The following GALNT13 variants were observed in gnomAD, a reference collection of about 807,000 sequenced individuals.
The protein encoded by GALNT13 is polypeptide N-acetylgalactosaminyltransferase 13, also known as UDP-GalNAc:polypeptide N-acetylgalactosaminyltransferase 13.
In GALNT13, 28 loss-of-function variants were observed where a neutral mutation model predicts 64.2. The observed-to-expected ratio is 0.44, with a 90% CI of 0.32 to 0.60. GALNT13 has a LOEUF of 0.60. GALNT13 is among the 20% of genes least tolerant of loss of function. The probability of loss-of-function intolerance (pLI) is 0.05; values close to 1 mark genes in which losing one functional copy is unlikely to be tolerated. For synonymous variants in GALNT13, 214 were observed against 224.6 expected (o/e 0.95, Z 0.42); for missense variants, 577 against 669.8 (o/e 0.86, Z 1.53).
At chr2:153,398,899 T>G in the GALNT13 span, among the ~76,000 whole-genome samples, 2 of 127,042 alleles carry the variant, frequency 1.6e-5, no homozygotes, top group African/African-American at 6.2e-5. Context: ...TGGTAGTTTC[T>G]TTTGCTGTGC....
chr2:153,993,836 A>G (rs577086980), intron 3 of GALNT13, among the ~76,000 whole-genome samples: 10 of 152,102 alleles, frequency 6.6e-5, no homozygotes, highest in Non-Finnish European at 4.4e-5. Flanking sequence ...CTGTGCAACC[A>G]TGATCATGCT....
At chr2:153,862,960 T>A in the GALNT13 span, among the ~76,000 whole-genome samples, 4 of 152,166 alleles carry the variant, frequency 2.6e-5, no homozygotes, top group African/African-American at 9.6e-5. Context: ...TCCTACTGGA[T>A]GAGTCATTCT....
intron 9 of GALNT13, among the ~76,000 whole-genome samples, chr2:154,308,671 C>A (rs1693871844): frequency 6.6e-6 from 1 of 152,056 alleles, no homozygotes; most frequent in Non-Finnish European, 1.5e-5. Flanking sequence ...GAGTTTTGAA[C>A]TTTTATTTTT....
intron 3 of GALNT13, among the ~76,000 whole-genome samples, chr2:153,948,709 G>A (rs1306352104): frequency 3.3e-5 from 5 of 152,070 alleles, no homozygotes; most frequent in African/African-American, 1.2e-4. Context: ...TTGCAGGGAC[G>A]TGGATGGAGC....
intron 3 of GALNT13, among the ~76,000 whole-genome samples, chr2:154,038,501 A>G (rs1698793126): frequency 6.6e-6 from 1 of 152,142 alleles, no homozygotes. Flanking sequence ...AGGTGCCAAG[A>G]ATGTGCGCTG....
the GALNT13 span, among the ~76,000 whole-genome samples, chr2:153,866,496 A>C: frequency 0.014 from 2,115 of 152,260 alleles, 46 homozygotes; most frequent in African/African-American, 0.047. Flanking sequence ...TCATGGAAAA[A>C]TGTAAATTTG....
At chr2:153,594,214 T>C in the GALNT13 span, among the ~76,000 whole-genome samples, 1 of 152,136 alleles carries the variant, frequency 6.6e-6, no homozygotes, top group Admixed American at 6.5e-5. Context: ...AGCTGCTGGA[T>C]ATTAATTCCC....
At chr2:153,608,531 T>C in the GALNT13 span, among the ~76,000 whole-genome samples, 1 of 151,716 alleles carries the variant, frequency 6.6e-6, no homozygotes, top group Non-Finnish European at 1.5e-5. Context: ...TATTGCTTTA[T>C]GCTGTAACAG....
intron 9 of GALNT13, among the ~76,000 whole-genome samples, chr2:154,328,052 C>T (rs945551899): frequency 3.9e-5 from 6 of 151,978 alleles, no homozygotes; most frequent in East Asian, 1.9e-4. Flanking sequence ...ATTATAAAAA[C>T]ATTGATATGA....
the GALNT13 span, among the ~76,000 whole-genome samples, chr2:153,808,917 C>G: frequency 4.7e-4 from 72 of 152,298 alleles, no homozygotes; most frequent in Middle Eastern, 0.017. Flanking sequence ...TCTGCTTATT[C>G]TGTGCATACA....
chr2:153,490,456 A>G, the GALNT13 span, among the ~76,000 whole-genome samples: 1,044 of 152,162 alleles, frequency 6.9e-3, 10 homozygotes, highest in African/African-American at 0.024. Flanking sequence ...TCTTGGCTCA[A>G]TGCAACCTCT....
the GALNT13 span, among the ~76,000 whole-genome samples, chr2:153,661,397 C>G: frequency 6.6e-6 from 1 of 152,124 alleles, no homozygotes; most frequent in South Asian, 2.1e-4. Context: ...TTATAAGATT[C>G]ACAGTGAGCT....
chr2:154,132,870 G>A (rs545747694), intron 3 of GALNT13, among the ~76,000 whole-genome samples: 1 of 149,474 alleles, frequency 6.7e-6, no homozygotes, highest in African/African-American at 2.5e-5. Context: ...ACTCCAGCCT[G>A]GGTGACAGGG....
At chr2:154,341,137 CT>C (rs1695744250) in intron 9 of GALNT13, among the ~76,000 whole-genome samples, 2 of 151,988 alleles carry the variant, frequency 1.3e-5, no homozygotes, top group Non-Finnish European at 2.9e-5. Flanking sequence ...TCTGCACTAG[CT>C]TTTTTTCCTT....
the GALNT13 span, among the ~76,000 whole-genome samples, chr2:153,090,483 TGTTGCAGGCA>T: frequency 6.6e-6 from 1 of 152,208 alleles, no homozygotes; most frequent in South Asian, 2.1e-4. Flanking sequence ...TTAGCCAGGA[TGTTGCAGGCA>T]GTGGAATTAG....
chr2:154,403,376 A>C (rs541801741), intron 10 of GALNT13, among the ~76,000 whole-genome samples: 31 of 152,120 alleles, frequency 2.0e-4, no homozygotes, highest in Non-Finnish European at 4.1e-4. Context: ...AAATCACTTG[A>C]ACCTGGGAGT....
At chr2:153,857,143 G>A in the GALNT13 span, among the ~76,000 whole-genome samples, 1 of 152,106 alleles carries the variant, frequency 6.6e-6, no homozygotes, top group Non-Finnish European at 1.5e-5. Context: ...CAATGTGTAA[G>A]GATTGTTAAG....
chr2:153,315,026 T>A, the GALNT13 span, among the ~76,000 whole-genome samples: 1 of 152,096 alleles, frequency 6.6e-6, no homozygotes, highest in Non-Finnish European at 1.5e-5. Flanking sequence ...TTAATTAAAA[T>A]TAAAATATAT....
chr2:153,556,990 T>G, the GALNT13 span, among the ~76,000 whole-genome samples: 531 of 152,324 alleles, frequency 3.5e-3, 3 homozygotes, highest in African/African-American at 0.013. Context: ...AGCATCTCTT[T>G]CAAATCTAGT....
Sources: allele counts gnomAD v4.1 joint callset (sites outside exome capture counted in the v4.1 genomes callset), GRCh38; gene constraint gnomAD v4.1.1; transcripts MANE v1.5; gene names NCBI Gene and HGNC (gene_info 2026-07-23, HGNC 2026-07-21).